The following NBAS variants were observed in gnomAD, a reference collection of about 807,000 sequenced individuals.
NBAS encodes NAG/BC035112 fusion.
In NBAS, 219 loss-of-function variants were observed where a neutral mutation model predicts 302.5. That is an observed-to-expected ratio of 0.72 (90% CI 0.65 to 0.81). The LOEUF (loss-of-function observed/expected upper bound fraction) is 0.81, where lower values mean the gene tolerates loss of function less well. Among genes scored for constraint, NBAS ranks in the 30% least tolerant of loss-of-function variants. NBAS has a pLI of 0.00. For synonymous variants in NBAS, 1,118 were observed against 1,021.6 expected (o/e 1.09, Z -1.80); for missense variants, 2,932 against 2,841.6 (o/e 1.03, Z -0.72).
At chr2:15,528,367 T>A (rs533018008) in intron 9 of NBAS, among the ~76,000 whole-genome samples, 19 of 148,818 alleles carry the variant, frequency 1.3e-4, no homozygotes, top group African/African-American at 2.4e-4. Flanking sequence ...TAATATATTT[T>A]TATATATATG....
chr2:14,823,946 T>C, the NBAS span, among the ~76,000 whole-genome samples: 1 of 152,226 alleles, frequency 6.6e-6, no homozygotes, highest in African/African-American at 2.4e-5. Flanking sequence ...TCCGAGGCAC[T>C]GTCTCCTGAT....
At chr2:15,084,503 C>G in the NBAS span, among the ~76,000 whole-genome samples, 1 of 152,170 alleles carries the variant, frequency 6.6e-6, no homozygotes, top group East Asian at 1.9e-4. Context: ...CTCAGAGTGC[C>G]TGGGATGGAC....
In NBAS at chr2:15,330,709, A is replaced by G. The variant is rs1672293853; in HGVS notation, c.4236T>C (p.Ala1412=). The G allele has an allele frequency of 3.7e-6, 6 of 1,614,090 alleles. No individual in the cohort carries two copies. Among genetic ancestry groups the G allele is most frequent in the Non-Finnish European group, 4.2e-6 (5 of 1,179,952 alleles). The change falls in exon 36 of 52, where the codon GCT becomes GCC. Residue 1412 remains alanine, a synonymous_variant. Transcript: ENST00000281513. The part of the protein sequence containing the change: ...NSADLLRWTT[A]TTMKVLSNTT... ...TGTTGGAAAGGACTTTCATGGTGGT[A>G]GCAGTGGTCCAGCGCAATAGGTCAG... is the stretch of plus-strand genomic sequence containing the variant.
chr2:15,070,553 C>T, the NBAS span, among the ~76,000 whole-genome samples: 445 of 152,246 alleles, frequency 2.9e-3, no homozygotes, highest in Non-Finnish European at 4.9e-3. Context: ...CCCTTGGTCT[C>T]GGCCAGGCCA....
At chr2:15,110,683 A>G in the NBAS span, among the ~76,000 whole-genome samples, 3 of 152,152 alleles carry the variant, frequency 2.0e-5, no homozygotes, top group Non-Finnish European at 4.4e-5. Context: ...GAATGTGATC[A>G]ACATGAGAAA....
chr2:14,851,285 G>C, the NBAS span, among the ~76,000 whole-genome samples: 5 of 148,168 alleles, frequency 3.4e-5, 1 homozygote, highest in Non-Finnish European at 7.4e-5. Flanking sequence ...ACTACCATCA[G>C]AGAATACTAC....
intron 9 of NBAS, among the ~76,000 whole-genome samples, chr2:15,518,535 G>T (rs1253102916): frequency 1.3e-5 from 2 of 151,898 alleles, no homozygotes; most frequent in Non-Finnish European, 2.9e-5. Flanking sequence ...ACAGTAAAAT[G>T]GAATTTTTAT....
rs537173175 is a variant in NBAS at position 15,229,383 on chromosome 2, C to T, written c.6236+3039G>A. Among the ~76,000 whole-genome samples the T allele has an allele frequency of 4.2e-4, 55 of 132,452 alleles. 1 individual carries two copies. The highest frequency in any genetic ancestry group is 1.5e-3 in the African/African-American group (54 of 36,358). 86.9% of individuals were successfully genotyped at this position (132,452 alleles called of 152,430 possible). ...AAAAAAAAAAAAAAAAAGAACATTA[C>T]ATTGTACCACCTAAACGTGTACAAT... is the stretch of plus-strand genomic sequence containing the variant. On this transcript the variant is annotated intron_variant, in intron 47 of 51. Coordinates refer to ENST00000281513, the MANE Select transcript of NBAS (RefSeq NM_015909.4).
the NBAS span, among the ~76,000 whole-genome samples, chr2:15,022,264 T>C: frequency 6.6e-6 from 1 of 152,166 alleles, no homozygotes; most frequent in Non-Finnish European, 1.5e-5. Context: ...TGGTCTACTT[T>C]ACAGTCAGGG....
At chr2:14,870,829 G>A in the NBAS span, among the ~76,000 whole-genome samples, 22 of 152,064 alleles carry the variant, frequency 1.4e-4, no homozygotes, top group Non-Finnish European at 2.6e-4. Flanking sequence ...GATAACAGAA[G>A]TTTGTAAACA....
chr2:15,156,981 CT>C, the NBAS span, among the ~76,000 whole-genome samples: 12 of 152,138 alleles, frequency 7.9e-5, no homozygotes, highest in African/African-American at 2.9e-4. Context: ...ACCCACCCCC[CT>C]CTCACACACA....
intron 31 of NBAS, among the ~76,000 whole-genome samples, chr2:15,373,861 G>T (rs1211866016): frequency 6.6e-6 from 1 of 152,152 alleles, no homozygotes; most frequent in African/African-American, 2.4e-5. Context: ...AAGGAAGCCA[G>T]CCAAGCACAC....
chr2:15,424,301 C>T lies in NBAS; in HGVS notation c.2577+14G>A, dbSNP rs1183240938. On this transcript the variant is annotated intron_variant, in intron 23 of 51. Coordinates refer to ENST00000281513, the MANE Select transcript of NBAS (RefSeq NM_015909.4). ...CACTAACATTACTGAGCAGCAGCTG[C>T]CATTTCCCCTCACCTGCCGAGCATA... The T allele has an allele frequency of 1.2e-6, 2 of 1,613,920 alleles. No individual in the cohort carries two copies. Among genetic ancestry groups the T allele is most frequent in the East Asian group, 2.2e-5 (1 of 44,878 alleles).
the NBAS span, among the ~76,000 whole-genome samples, chr2:14,982,687 TAGAGAC>T: frequency 1.3e-5 from 2 of 151,846 alleles, no homozygotes; most frequent in African/African-American, 4.8e-5. Context: ...AAAATAAGGA[TAGAGAC>T]AATCATGAAA....
chr2:15,462,595 G>A (rs1171668333), intron 19 of NBAS, among the ~76,000 whole-genome samples: 1 of 142,920 alleles, frequency 7.0e-6, no homozygotes, highest in Non-Finnish European at 1.5e-5. Flanking sequence ...AGACAGGAAA[G>A]AGAAGAATGA....
the NBAS span, among the ~76,000 whole-genome samples, chr2:15,138,632 C>T: frequency 6.6e-6 from 1 of 152,034 alleles, no homozygotes; most frequent in African/African-American, 2.4e-5. Flanking sequence ...CCTCTAAACT[C>T]AGACCTCAGA....
intron 10 of NBAS, among the ~76,000 whole-genome samples, chr2:15,509,177 T>C (rs144088349): frequency 6.6e-6 from 1 of 152,340 alleles, no homozygotes; most frequent in Non-Finnish European, 1.5e-5. Flanking sequence ...ATAATCATCA[T>C]AGCATATATT....
At chr2:15,022,683 C>T in the NBAS span, among the ~76,000 whole-genome samples, 1 of 152,126 alleles carries the variant, frequency 6.6e-6, no homozygotes, top group Non-Finnish European at 1.5e-5. Context: ...ATCTATTTCT[C>T]TCATCTCTAC....
the NBAS span, among the ~76,000 whole-genome samples, chr2:14,792,229 T>C: frequency 1.3e-5 from 2 of 152,192 alleles, no homozygotes; most frequent in Non-Finnish European, 2.9e-5. Context: ...CTCCTCGACT[T>C]ACAATGGGGT....
Sources: gnomAD v4.1 joint callset for allele counts (sites outside exome capture counted in the v4.1 genomes callset) on GRCh38, gnomAD v4.1.1 for gene constraint, MANE v1.5 for transcripts, NCBI Gene and HGNC (gene_info 2026-07-23, HGNC 2026-07-21) for gene names.